The following SLC4A8 variants were observed in gnomAD, a reference collection of about 807,000 sequenced individuals.
The protein encoded by SLC4A8 is electroneutral sodium bicarbonate exchanger 1.
A neutral mutation model predicts 125.0 loss-of-function variants in SLC4A8; 40 were observed. That is an observed-to-expected ratio of 0.32 (90% CI 0.25 to 0.42). The LOEUF (loss-of-function observed/expected upper bound fraction) is 0.42, where lower values mean the gene tolerates loss of function less well. Among genes scored for constraint, SLC4A8 ranks in the 10% least tolerant of loss-of-function variants. The probability of loss-of-function intolerance (pLI) is 1.00; values close to 1 mark genes in which losing one functional copy is unlikely to be tolerated. For missense variants in SLC4A8, 863 were observed against 1,355.1 expected, an observed-to-expected ratio of 0.64 and a Z score of 5.70; for synonymous variants, 456 against 476.0, an observed-to-expected ratio of 0.96 and a Z score of 0.55.
At chr12:51,399,895 T>C (rs1331239290) in intron 1 of SLC4A8, among the ~76,000 whole-genome samples, 6 of 151,734 alleles carry the variant, frequency 4.0e-5, no homozygotes, top group Non-Finnish European at 1.5e-5. Flanking sequence ...GGCAGGGGAA[T>C]CGCTTGAACC....
Position 51,469,790 on chromosome 12 carries a change from T to G in SLC4A8, c.1524+2T>G. 3 of 1,613,894 alleles carry G rather than the reference T, an allele frequency of 1.9e-6. No individual in the cohort carries two copies. The highest frequency in any genetic ancestry group is 2.5e-6 in the Non-Finnish European group (3 of 1,179,862). Reference sequence around the variant, plus strand: ...GGAGAAGCCACTGAGGGACGCATAGTAAGGACTTTTAACCACTTCTAATGA... The same window carrying G: ...GGAGAAGCCACTGAGGGACGCATAGGAAGGACTTTTAACCACTTCTAATGA... On this transcript the variant is annotated splice_donor_variant, in intron 12 of 24. Coordinates refer to ENST00000453097, the MANE Select transcript of SLC4A8 (RefSeq NM_001039960.3). LOFTEE classifies it high-confidence loss of function.
chr12:51,441,806 G>A (rs1258052264), intron 2 of SLC4A8, among the ~76,000 whole-genome samples: 1 of 152,218 alleles, frequency 6.6e-6, no homozygotes, highest in Non-Finnish European at 1.5e-5. Flanking sequence ...AACGGAAGCT[G>A]TAGAGGCTGA....
intron 1 of SLC4A8, among the ~76,000 whole-genome samples, chr12:51,425,636 T>C (rs1948946303): frequency 6.6e-6 from 1 of 152,100 alleles, no homozygotes; most frequent in African/African-American, 2.4e-5. Flanking sequence ...CAGGTGCTTA[T>C]TTAAGGGAAT....
At chr12:51,497,480 A>G (rs915893328) in intron 22 of SLC4A8, 1 of 181,378 alleles carries the variant, frequency 5.5e-6, no homozygotes, top group Non-Finnish European at 1.2e-5. Context: ...AATGTTTGTA[A>G]TATATCTAAT....
chr12:51,485,289 C>G (rs1023720123), intron 16 of SLC4A8, among the ~76,000 whole-genome samples: 3 of 151,912 alleles, frequency 2.0e-5, no homozygotes, highest in East Asian at 1.9e-4. Flanking sequence ...GCTACCATTA[C>G]CTGAACAGGA....
chr12:51,493,034 A>T (rs11169857), intron 19 of SLC4A8, among the ~76,000 whole-genome samples: 9,917 of 152,228 alleles, frequency 0.065, 440 homozygotes, highest in East Asian at 0.21. Context: ...AAACTAAATT[A>T]TAGTCCAATT....
At chr12:51,420,465 C>T (rs1046291834), upstream of SLC4A8, among the ~76,000 whole-genome samples, 14 of 152,176 alleles carry the variant, frequency 9.2e-5, no homozygotes, top group Admixed American at 1.3e-4. Flanking sequence ...ATAGAAGAAT[C>T]TCAATGTCTT....
At chr12:51,460,278 T>TAG (rs938041062) in intron 8 of SLC4A8, among the ~76,000 whole-genome samples, 170 bp downstream of exon 8, 1 of 152,102 alleles carries the variant, frequency 6.6e-6, no homozygotes, top group African/African-American at 2.4e-5. Flanking sequence ...TTCCAGCTAC[T>TAG]AGAGAGGCTG....
rs751572705 is a variant in SLC4A8 at position 51,508,939 on chromosome 12, A to G, written c.*1501A>G. The G allele has an allele frequency of 5.2e-5, 8 of 152,582 alleles. No homozygotes were observed. Among genetic ancestry groups the G allele is most frequent in the Middle Eastern group, 6.3e-3 (2 of 316 alleles). 9.5% of individuals were successfully genotyped at this position (152,582 alleles called of 1,614,324 possible). A position where few individuals can be genotyped will look rare whatever the true frequency, so the allele number is the denominator to read the frequency against. On this transcript the variant is annotated 3_prime_UTR_variant, in exon 25 of 25. Coordinates refer to ENST00000453097, the MANE Select transcript of SLC4A8 (RefSeq NM_001039960.3). ...TTCCTTAGACTTTTAAAATATACTA[A>G]TGTATTCTAGTCTTACTCTAAAGAC...
intron 2 of SLC4A8, among the ~76,000 whole-genome samples, chr12:51,448,189 A>C (rs7966623): frequency 0.54 from 82,047 of 151,956 alleles, 22,284 homozygotes; most frequent in African/African-American, 0.58. Flanking sequence ...ATGATCAGAG[A>C]TGTAACTAGG....
intron 2 of SLC4A8, among the ~76,000 whole-genome samples, chr12:51,445,090 A>G (rs1949730696): frequency 6.6e-6 from 1 of 152,194 alleles, no homozygotes; most frequent in Non-Finnish European, 1.5e-5. Flanking sequence ...TCTTAACCTA[A>G]GTCCAGCTCT....
At chr12:51,470,324 T>C (rs1950654900) in intron 12 of SLC4A8, 68 bp from the exon 13 acceptor site, 3 of 1,493,038 alleles carry the variant, frequency 2.0e-6, no homozygotes, top group Non-Finnish European at 9.2e-7. Context: ...AAGTCAGGAA[T>C]GTAGCTAAGC....
intron 1 of SLC4A8, among the ~76,000 whole-genome samples, chr12:51,439,010 G>T (rs1478563387): frequency 6.6e-6 from 1 of 152,148 alleles, no homozygotes; most frequent in African/African-American, 2.4e-5. Context: ...AGGATACAGT[G>T]GTGAGGAAGA....
At position 51,446,906 on chromosome 12, in the gene SLC4A8, C is replaced by T. The variant is rs574653369; in HGVS notation, c.131-3970C>T. Among the ~76,000 whole-genome samples, 4 of 152,350 alleles carry T rather than the reference C, an allele frequency of 2.6e-5. No individual in the cohort carries two copies. In the South Asian group the frequency reaches 8.3e-4, roughly 32 times the overall value. The stretch of plus-strand genomic sequence containing the variant: ...TAGGCATTCTGAGAGAAACGTCTAA[C>T]TTGGGACACCAAGGAGATTGCAAGA... On this transcript the variant is annotated intron_variant, in intron 2 of 24. Coordinates refer to ENST00000453097, the MANE Select transcript of SLC4A8 (RefSeq NM_001039960.3).
At chr12:51,443,411 T>C (rs1007880027) in intron 2 of SLC4A8, among the ~76,000 whole-genome samples, 1 of 152,220 alleles carries the variant, frequency 6.6e-6, no homozygotes, top group Non-Finnish European at 1.5e-5. Context: ...TAAGCCATTA[T>C]GTTGCTTTTT....
At chr12:51,498,577 A>G (rs757127282) in intron 22 of SLC4A8, among the ~76,000 whole-genome samples, 19 of 151,456 alleles carry the variant, frequency 1.3e-4, no homozygotes, top group Non-Finnish European at 2.2e-4. Context: ...TTGGCTTCTC[A>G]TACACTAAAA....
intron 10 of SLC4A8, among the ~76,000 whole-genome samples, chr12:51,463,102 GA>G (rs1252083552): frequency 6.6e-6 from 1 of 152,026 alleles, no homozygotes; most frequent in African/African-American, 2.4e-5. Flanking sequence ...TAGAATGTCT[GA>G]TATTTTTCTG....
intron 1 of SLC4A8, among the ~76,000 whole-genome samples, chr12:51,409,736 T>C (rs1948560484): frequency 6.6e-6 from 1 of 152,150 alleles, no homozygotes; most frequent in Non-Finnish European, 1.5e-5. Flanking sequence ...TTTATTTTTT[T>C]CTGTTGTCAA....
At chr12:51,485,281 T>C (rs1951132768) in intron 16 of SLC4A8, among the ~76,000 whole-genome samples, 1 of 151,950 alleles carries the variant, frequency 6.6e-6, no homozygotes, top group Non-Finnish European at 1.5e-5. Context: ...AGGAGGCTGC[T>C]ACCATTACCT....
Sources: gnomAD v4.1 joint callset for allele counts (sites outside exome capture counted in the v4.1 genomes callset) on GRCh38, gnomAD v4.1.1 for gene constraint, MANE v1.5 for transcripts, NCBI Gene and HGNC (gene_info 2026-07-23, HGNC 2026-07-21) for gene names.